CEP350: variants seen among roughly 807,000 people sequenced by gnomAD.
The protein encoded by CEP350 is centrosomal protein 350, also known as centrosome-associated protein 350.
Under a neutral mutation model 331.8 loss-of-function variants are expected in CEP350, and 126 were observed. That is an observed-to-expected ratio of 0.38 (90% CI 0.33 to 0.44). CEP350 has a LOEUF of 0.44. Ranked by LOEUF, CEP350 falls within the 20% of genes least tolerant of loss-of-function variation. The pLI is 1.00. For synonymous variants in CEP350, 1,200 were observed against 1,259.5 expected, an observed-to-expected ratio of 0.95 and a Z score of 1.00; for missense variants, 3,406 against 3,634.6, an observed-to-expected ratio of 0.94 and a Z score of 1.62.
intron 1 of CEP350, among the ~76,000 whole-genome samples, chr1:179,974,522 C>A (rs541504248): frequency 6.6e-6 from 1 of 152,138 alleles, no homozygotes; most frequent in Non-Finnish European, 1.5e-5. Context: ...GAGACTGATA[C>A]ATATATGCTA....
At chr1:180,041,597 A>G (rs1656760969) in intron 18 of CEP350, 65 bp from the exon 19 acceptor site, 1 of 1,396,868 alleles carries the variant, frequency 7.2e-7, no homozygotes, top group South Asian at 1.4e-5. Context: ...TTTATAAATT[A>G]AAATTAATTC....
At chr1:180,084,966 T>C (rs916583490) in intron 31 of CEP350, among the ~76,000 whole-genome samples, 1 of 152,168 alleles carries the variant, frequency 6.6e-6, no homozygotes. Context: ...GTCTATACCC[T>C]TGTAAGCAGA....
intron 9 of CEP350, 122 bp downstream of exon 9, chr1:180,012,197 C>T (rs1472242245): frequency 3.5e-6 from 3 of 864,622 alleles, no homozygotes; most frequent in Admixed American, 3.4e-5. Context: ...GAATGTAGCT[C>T]AAAAAAGAAA....
At chr1:180,065,087 A>G (rs41267622) in intron 26 of CEP350, 28 bp from the exon 27 acceptor site, 32,974 of 1,566,904 alleles carry the variant, frequency 0.021, 603 homozygotes, top group South Asian at 0.063. Flanking sequence ...TTAAAGTCCA[A>G]TACAATTTTG....
intron 1 of CEP350, among the ~76,000 whole-genome samples, chr1:179,965,891 G>T (rs1195021029): frequency 6.6e-6 from 1 of 152,020 alleles, no homozygotes; most frequent in Non-Finnish European, 1.5e-5. Context: ...CTTCCAAAGT[G>T]CTGGGATTAC....
intron 10 of CEP350, among the ~76,000 whole-genome samples, chr1:180,015,142 G>T (rs1383865164): frequency 3.9e-5 from 6 of 152,108 alleles, no homozygotes; most frequent in African/African-American, 1.2e-4. Context: ...TGTCTCAAGG[G>T]TGGCAGAGGC....
Position 180,114,549 on chromosome 1 carries a change from C to T in CEP350, c.*3388C>T, listed in dbSNP as rs2149216405. 6.5e-6 allele frequency: 1 copy of T among 152,724 alleles called. No homozygotes were observed. Among genetic ancestry groups the T allele is most frequent in the South Asian group, 2.1e-4 (1 of 4,822 alleles). The allele number at this position is 152,724 out of a possible 1,614,324, so 9.5% of individuals were successfully genotyped here. On this transcript the variant is annotated 3_prime_UTR_variant, in exon 38 of 38. Coordinates refer to ENST00000367607, the MANE Select transcript of CEP350 (RefSeq NM_014810.5). ...AATTAACCTATGTTTAATAGCTTTT[C>T]CTTCTGGACTTTGCAAAGCCTTCTT...
At chr1:179,988,389 A>G (rs935185198) in intron 3 of CEP350, among the ~76,000 whole-genome samples, 1 of 152,142 alleles carries the variant, frequency 6.6e-6, no homozygotes, top group African/African-American at 2.4e-5. Context: ...AAGGAAACCA[A>G]CTTCTTGAAT....
At chr1:180,063,513 A>G (rs1285473277) in intron 26 of CEP350, among the ~76,000 whole-genome samples, 1 of 151,930 alleles carries the variant, frequency 6.6e-6, no homozygotes, top group Non-Finnish European at 1.5e-5. Flanking sequence ...AAGGTACTAT[A>G]AAATGTCAAT....
chr1:180,063,389 C>T (rs950120195), intron 26 of CEP350, among the ~76,000 whole-genome samples: 1 of 151,420 alleles, frequency 6.6e-6, no homozygotes, highest in African/African-American at 2.4e-5. Flanking sequence ...GATGGAGTTT[C>T]GCCATGTTGC....
intron 36 of CEP350, 38 bp downstream of exon 36, chr1:180,096,222 T>G (rs1660472167): frequency 6.6e-7 from 1 of 1,518,164 alleles, no homozygotes; most frequent in Admixed American, 2.3e-5. Context: ...TTTTTTGACT[T>G]GCTGTTCATT....
chr1:179,969,460 C>G (rs924250103), intron 1 of CEP350: 16 of 487,614 alleles, frequency 3.3e-5, no homozygotes, highest in African/African-American at 2.3e-4. Context: ...GTCTACAGCT[C>G]CCACTGCTCA....
chr1:180,109,986 A>G (rs1258202058), intron 37 of CEP350, among the ~76,000 whole-genome samples: 1 of 152,230 alleles, frequency 6.6e-6, no homozygotes. Context: ...CATGTATTAT[A>G]AACAAGCAAT....
At position 179,990,706 on chromosome 1, in the gene CEP350, C is replaced by T. The variant is rs1240416160; in HGVS notation, c.235+85C>T. ...GACAGCTAGATCTACAGGGGTGTGC[C>T]ACCACACCTGGCTAATCTTTTTTTA... On this transcript the variant is annotated intron_variant, in intron 4 of 37. Coordinates refer to ENST00000367607, the MANE Select transcript of CEP350 (RefSeq NM_014810.5). 4 of 642,698 alleles carry T rather than the reference C, an allele frequency of 6.2e-6. No individual in the cohort carries two copies. The African/African-American group carries it at 7.4e-5, about 12-fold the overall frequency. The allele number at this position is 642,698 out of a possible 1,614,324, so 39.8% of individuals were successfully genotyped here.
chr1:180,048,459 C>A, intron 21 of CEP350, 77 bp from the exon 22 acceptor site: 1 of 926,552 alleles, frequency 1.1e-6, no homozygotes, highest in Non-Finnish European at 1.7e-6. Flanking sequence ...AGTCATTTGG[C>A]CAAATAAGTT....
At position 180,090,377 on chromosome 1, in the gene CEP350, TCTA is replaced by T. The variant is rs763703184; in HGVS notation, c.6426-333_6426-331del. On this transcript the variant is annotated intron_variant, in intron 32 of 37. Transcript: ENST00000367607. ...CTGGCTAACACAGTGAAACCCCGCC[TCTA>T]CTAAAAATACAAAAAATTAGCCGGG... 1.7e-3 allele frequency among the ~76,000 whole-genome samples: 260 copies of T among 150,738 alleles called. 1 individual carries two copies. Among genetic ancestry groups the T allele is most frequent in the Non-Finnish European group, 2.8e-3 (189 of 67,644 alleles).
intron 25 of CEP350, among the ~76,000 whole-genome samples, chr1:180,059,073 C>T (rs1349904519): frequency 5.9e-5 from 9 of 152,198 alleles, no homozygotes; most frequent in Admixed American, 2.0e-4. Flanking sequence ...ATTATTCTTA[C>T]AAGAGGGACA....
intron 15 of CEP350, among the ~76,000 whole-genome samples, chr1:180,032,929 A>C (rs1297158701): frequency 6.6e-6 from 1 of 152,130 alleles, no homozygotes; most frequent in Non-Finnish European, 1.5e-5. Flanking sequence ...TATCTAAAGT[A>C]TCAATAGAAA....
At chr1:180,088,922 C>G (rs1049706017) in intron 32 of CEP350, among the ~76,000 whole-genome samples, 5 of 152,152 alleles carry the variant, frequency 3.3e-5, no homozygotes, top group African/African-American at 1.2e-4. Flanking sequence ...ATATCATACC[C>G]AACTATCCCA....
Sources: allele counts gnomAD v4.1 joint callset (sites outside exome capture counted in the v4.1 genomes callset), GRCh38; gene constraint gnomAD v4.1.1; transcripts MANE v1.5; gene names NCBI Gene and HGNC (gene_info 2026-07-23, HGNC 2026-07-21).